STXBP5L: variants seen among roughly 807,000 people sequenced by gnomAD.
STXBP5L encodes the protein syntaxin-binding protein 5-like.
In STXBP5L, 65 loss-of-function variants were observed where a neutral mutation model predicts 144.5. The observed-to-expected ratio is 0.45, with a 90% CI of 0.37 to 0.55. STXBP5L has a LOEUF of 0.55. STXBP5L is among the 20% of genes least tolerant of loss of function. STXBP5L has a pLI of 0.00. For missense variants in STXBP5L, 1,298 were observed against 1,405.5 expected (o/e 0.92, Z 1.22); for synonymous variants, 505 against 469.6 (o/e 1.08, Z -0.97).
chr3:121,058,867 T>C (rs1948632105), intron 5 of STXBP5L, among the ~76,000 whole-genome samples: 1 of 152,258 alleles, frequency 6.6e-6, no homozygotes, highest in Non-Finnish European at 1.5e-5. Flanking sequence ...AGATTCTGGA[T>C]ATTAGCCTTT....
At chr3:121,240,121 C>T (rs1046121423) in intron 13 of STXBP5L, among the ~76,000 whole-genome samples, 1 of 152,016 alleles carries the variant, frequency 6.6e-6, no homozygotes, top group Non-Finnish European at 1.5e-5. Flanking sequence ...TGTTAAATGG[C>T]ACCACAGTAG....
intron 5 of STXBP5L, among the ~76,000 whole-genome samples, chr3:121,059,083 T>C (rs1387085468): frequency 6.6e-6 from 1 of 152,234 alleles, no homozygotes; most frequent in African/African-American, 2.4e-5. Context: ...CTAGATTTTC[T>C]TCTAGAGTTT....
chr3:121,374,992 T>C (rs933920459), intron 20 of STXBP5L, among the ~76,000 whole-genome samples: 80 of 118,450 alleles, frequency 6.8e-4, no homozygotes, highest in Non-Finnish European at 9.1e-4. Context: ...TGCAGAATAA[T>C]AGACATTGAA....
Position 121,008,606 on chromosome 3 carries a change from A to C in STXBP5L, c.288-33094A>C, listed in dbSNP as rs192723660. On this transcript the variant is annotated intron_variant, in intron 3 of 26. Coordinates refer to ENST00000471454, the MANE Select transcript of STXBP5L (RefSeq NM_001308330.2). ...AATAATAACACACTTAAAACTATAT[A>C]GTATCATGTTTAAGCTGGTTCCTTA... Among the ~76,000 whole-genome samples the C allele has an allele frequency of 2.3e-4, 35 of 152,134 alleles. No homozygotes were observed. The East Asian group carries it at 6.6e-3, about 29-fold the overall frequency.
intron 3 of STXBP5L, among the ~76,000 whole-genome samples, chr3:121,006,252 T>C (rs1035431004): frequency 6.6e-6 from 1 of 152,210 alleles, no homozygotes; most frequent in South Asian, 2.1e-4. Context: ...TGGGTGCATA[T>C]ATATTTAGGA....
intron 5 of STXBP5L, among the ~76,000 whole-genome samples, chr3:121,051,764 CA>C (rs528639843): frequency 7.9e-5 from 12 of 151,750 alleles, no homozygotes; most frequent in Admixed American, 2.0e-4. Flanking sequence ...AATAGAGACA[CA>C]AAAAAACCCT....
chr3:121,092,172 A>C (rs1458631898), intron 5 of STXBP5L, among the ~76,000 whole-genome samples: 1 of 152,112 alleles, frequency 6.6e-6, no homozygotes. Context: ...TGGTTACTGT[A>C]GCCTTGTAGT....
At chr3:120,988,541 G>A (rs1403068972) in intron 3 of STXBP5L, among the ~76,000 whole-genome samples, 2 of 151,908 alleles carry the variant, frequency 1.3e-5, no homozygotes, top group African/African-American at 2.4e-5. Context: ...TTTGTCTTGG[G>A]AATACTCTGT....
In STXBP5L at chr3:120,909,763, G is replaced by T. The variant is rs1282968798; in HGVS notation, c.185G>T (p.Cys62Phe). The T allele has an allele frequency of 3.1e-6, 5 of 1,611,074 alleles. No individual in the cohort carries two copies. Among genetic ancestry groups the T allele is most frequent in the East Asian group, 2.2e-5 (1 of 44,844 alleles). Residue 62 changes from cysteine to phenylalanine, a missense_variant, in exon 2 of 27, where the codon TGC (cysteine) becomes TTC (phenylalanine). By Grantham distance (205) the Cys-to-Phe change is radical. Coordinates refer to ENST00000471454, the MANE Select transcript of STXBP5L (RefSeq NM_001308330.2). ...TTGACTTCGGAGTATTTCCAGATTT[G>T]CAAGGTAAGTTTTGAATTGGCTTAA... The part of the protein sequence containing the change: ...ETLTSEYFQI[C>F]KTVRHGFPHQ...
rs567546300 is a variant in STXBP5L, at chr3:121,009,043, T to C, written c.288-32657T>C. Among the ~76,000 whole-genome samples, 3 of 152,014 alleles carry C rather than the reference T, an allele frequency of 2.0e-5. No homozygotes were observed. In the South Asian group the frequency reaches 6.2e-4, roughly 32 times the overall value. The stretch of plus-strand genomic sequence containing the variant: ...ATATGCAGTAGAGACAGTGAGTAGA[T>C]GAACTTTAAAGAGAAGGATTTCATA... On this transcript the variant is annotated intron_variant, in intron 3 of 26. Coordinates refer to ENST00000471454, the MANE Select transcript of STXBP5L (RefSeq NM_001308330.2).
chr3:120,973,937 A>G (rs1412213987), intron 3 of STXBP5L, among the ~76,000 whole-genome samples: 1 of 152,146 alleles, frequency 6.6e-6, no homozygotes, highest in African/African-American at 2.4e-5. Flanking sequence ...AATCCAGTCA[A>G]TCATTGTTGG....
chr3:120,981,800 A>G (rs1941801759), intron 3 of STXBP5L, among the ~76,000 whole-genome samples: 1 of 152,190 alleles, frequency 6.6e-6, no homozygotes, highest in African/African-American at 2.4e-5. Flanking sequence ...TGAAGAAGCC[A>G]TCACTTCTTA....
chr3:121,084,591 T>C (rs1286737991), intron 5 of STXBP5L, among the ~76,000 whole-genome samples: 2 of 152,240 alleles, frequency 1.3e-5, no homozygotes. Flanking sequence ...ACATATTTTC[T>C]TTATTCAGTC....
chr3:121,346,700 C>T (rs993990310), intron 20 of STXBP5L, among the ~76,000 whole-genome samples: 1 of 152,138 alleles, frequency 6.6e-6, no homozygotes, highest in Non-Finnish European at 1.5e-5. Context: ...CTCTGATGGC[C>T]AGTGGTGATG....
chr3:121,231,117 G>A (rs1170713701), intron 11 of STXBP5L, among the ~76,000 whole-genome samples: 1 of 152,118 alleles, frequency 6.6e-6, no homozygotes, highest in Non-Finnish European at 1.5e-5. Context: ...CATTTCCAAT[G>A]GTCCTCTTGT....
chr3:120,912,483 T>A (rs974624084), intron 2 of STXBP5L, among the ~76,000 whole-genome samples: 1 of 151,888 alleles, frequency 6.6e-6, no homozygotes, highest in Non-Finnish European at 1.5e-5. Context: ...TTGTGTAATA[T>A]CGCCCATAGG....
chr3:121,080,631 G>A (rs1303538661), intron 5 of STXBP5L, among the ~76,000 whole-genome samples: 4 of 152,178 alleles, frequency 2.6e-5, no homozygotes, highest in African/African-American at 9.7e-5. Flanking sequence ...TTTTGTTTAA[G>A]GAGGTGGAAG....
chr3:121,109,842 C>T (rs1204078430), intron 5 of STXBP5L, among the ~76,000 whole-genome samples: 2 of 152,122 alleles, frequency 1.3e-5, no homozygotes, highest in Non-Finnish European at 2.9e-5. Context: ...TTGTGGGAGT[C>T]TAAATCTTTT....
chr3:121,392,518 C>T (rs2108710014), intron 22 of STXBP5L, among the ~76,000 whole-genome samples: 1 of 152,236 alleles, frequency 6.6e-6, no homozygotes, highest in Non-Finnish European at 1.5e-5. Context: ...AGAGCTGTTC[C>T]TATTCGGCCA....
Sources: gnomAD v4.1 joint callset for allele counts (sites outside exome capture counted in the v4.1 genomes callset) on GRCh38, gnomAD v4.1.1 for gene constraint, MANE v1.5 for transcripts, NCBI Gene and HGNC (gene_info 2026-07-23, HGNC 2026-07-21) for gene names.